Variants in AXIN1 observed in about 807,000 individuals in gnomAD.
AXIN1 encodes the protein axin 1.
In AXIN1, 30 loss-of-function variants were observed where a neutral mutation model predicts 76.4. The ratio of observed to expected loss-of-function variants is 0.39; its 90% CI spans 0.29 to 0.53. The LOEUF (loss-of-function observed/expected upper bound fraction) is 0.53. Among genes scored for constraint, AXIN1 ranks in the 20% least tolerant of loss-of-function variants. AXIN1 has a pLI of 0.66. For missense variants in AXIN1, 1,140 were observed against 1,198.8 expected (o/e 0.95, Z 0.72); for synonymous variants, 545 against 501.4 (o/e 1.09, Z -1.16).
intron 1 of AXIN1, among the ~76,000 whole-genome samples, chr16:347,815 C>T (rs56196651): frequency 1.2e-3 from 185 of 152,326 alleles, no homozygotes; most frequent in Non-Finnish European, 2.3e-3. Context: ...CCCACAGAGG[C>T]GCTCGGACAC....
Position 289,842 on chromosome 16 carries a change from C to T in AXIN1, c.2295-235G>A, listed in dbSNP as rs2052504469. 3 of 601,918 alleles carry T rather than the reference C, an allele frequency of 5.0e-6. No homozygotes were observed. The Admixed American group carries it at 8.3e-5, about 17-fold the overall frequency. The allele number at this position is 601,918 out of a possible 1,614,324, so 37.3% of individuals were successfully genotyped here. ...GCACGAAGGTCTCCCTGCTGCCTCACAGCCCCACCCTCGACTGGCCAGGGC... is the reference window on the plus strand; with the variant it reads ...GCACGAAGGTCTCCCTGCTGCCTCATAGCCCCACCCTCGACTGGCCAGGGC... On this transcript the variant is annotated intron_variant, in intron 9 of 10. Transcript: ENST00000262320.
chr16:324,795 C>A (rs933057388), intron 2 of AXIN1, among the ~76,000 whole-genome samples: 4 of 152,196 alleles, frequency 2.6e-5, no homozygotes, highest in African/African-American at 7.2e-5. Flanking sequence ...GCAGACAGAA[C>A]CCGCCCTGCA....
At chr16:323,946 A>C (rs1274819251) in intron 2 of AXIN1, among the ~76,000 whole-genome samples, 1 of 152,200 alleles carries the variant, frequency 6.6e-6, no homozygotes, top group African/African-American at 2.4e-5. Context: ...CAGAATGAGC[A>C]ACCCACCCTG....
chr16:288,269 G>C (rs759745210), intron 10 of AXIN1, 21 bp from the exon 11 acceptor site: 1 of 1,613,218 alleles, frequency 6.2e-7, no homozygotes, highest in Non-Finnish European at 8.5e-7. Context: ...GAGGTGAGGA[G>C]GGCAGTGAGC....
At chr16:289,988 C>A in intron 9 of AXIN1, 1 of 363,958 alleles carries the variant, frequency 2.7e-6, no homozygotes, top group Non-Finnish European at 5.2e-6. Flanking sequence ...AGGGATTGGA[C>A]AAACAGAACT....
At chr16:333,692 TA>T (rs1196571503) in intron 2 of AXIN1, among the ~76,000 whole-genome samples, 2 of 139,294 alleles carry the variant, frequency 1.4e-5, no homozygotes. Context: ...CCTCTAAATT[TA>T]TGGGGGGGGT....
rs1567258576 is a variant in AXIN1 at position 291,240 on chromosome 16, CGGCGCGCACGCTGGCCTGACGCA to C, written c.2221_2243del (p.Cys741GlyfsTer33). 1.3e-6 allele frequency: 2 copies of C among 1,587,298 alleles called. No individual in the cohort carries two copies. Among genetic ancestry groups the C allele is most frequent in the Non-Finnish European group, 8.6e-7 (1 of 1,167,950 alleles). ...ACACGGCTGGTACCACGTGCAGCAC[CGGCGCGCACGCTGGCCTGACGCA>C]GGCGCGTCCCCGCCGCATAACCTCC... is the stretch of plus-strand genomic sequence containing the variant. On this transcript the variant is annotated frameshift_variant, in exon 9 of 11. Coordinates refer to ENST00000262320, the MANE Select transcript of AXIN1 (RefSeq NM_003502.4). LOFTEE classifies it high-confidence loss of function.
intron 5 of AXIN1, among the ~76,000 whole-genome samples, chr16:302,428 C>T (rs1338068452): frequency 1.3e-5 from 2 of 152,258 alleles, no homozygotes; most frequent in Non-Finnish European, 2.9e-5. Context: ...AACAAATCGA[C>T]GTCTGTGTGT....
intron 2 of AXIN1, among the ~76,000 whole-genome samples, chr16:316,690 C>A (rs563044692): frequency 1.3e-5 from 2 of 152,054 alleles, no homozygotes; most frequent in East Asian, 3.9e-4. Flanking sequence ...GGGTTTATCA[C>A]ATTGCACCCT....
intron 10 of AXIN1, among the ~76,000 whole-genome samples, chr16:288,629 G>T (rs1196656626): frequency 6.6e-6 from 1 of 152,250 alleles, no homozygotes; most frequent in Non-Finnish European, 1.5e-5. Flanking sequence ...TGCAGTCATG[G>T]GGTGTTTGCA....
In AXIN1 at chr16:304,860, T is replaced by C. The variant is rs570252824; in HGVS notation, c.1117-419A>G. ...TTTGTTGTATTTTAAAGCAAGAGTT[T>C]ACTTTTTCCTCCTTTCAGTTGGGAA... On this transcript the variant is annotated intron_variant, in intron 4 of 10. Coordinates refer to ENST00000262320, the MANE Select transcript of AXIN1 (RefSeq NM_003502.4). Among the ~76,000 whole-genome samples the C allele has an allele frequency of 1.1e-4, 16 of 152,310 alleles. No homozygotes were observed. In the East Asian group the frequency reaches 1.7e-3, roughly 17 times the overall value.
intron 7 of AXIN1, among the ~76,000 whole-genome samples, 196 bp downstream of exon 7, chr16:296,860 A>G (rs973159049): frequency 6.6e-6 from 1 of 151,830 alleles, no homozygotes; most frequent in Non-Finnish European, 1.5e-5. Context: ...TGGGGACATG[A>G]GGTTTTCCTC....
chr16:307,907 C>T (rs1044827518), intron 4 of AXIN1, among the ~76,000 whole-genome samples: 4 of 152,224 alleles, frequency 2.6e-5, no homozygotes, highest in Non-Finnish European at 5.9e-5. Context: ...TGAGCAGGCC[C>T]CGGGCAGCTG....
In AXIN1 at chr16:335,806, C is replaced by T. The variant is rs2053791229; in HGVS notation, c.878+10342G>A. ...AAAATACTTTATCCAAGAGGTTTTA[C>T]AGTGAGGAGAAGAATATTCACAAGC... On this transcript the variant is annotated intron_variant, in intron 2 of 10. Transcript: ENST00000262320. Among the ~76,000 whole-genome samples the T allele has an allele frequency of 2.0e-5, 3 of 152,114 alleles. No homozygotes were observed. In the South Asian group the frequency reaches 6.2e-4, roughly 32 times the overall value.
chr16:335,367 C>T (rs1309123308), intron 2 of AXIN1, among the ~76,000 whole-genome samples: 1 of 152,270 alleles, frequency 6.6e-6, no homozygotes, highest in South Asian at 2.1e-4. Flanking sequence ...GCACACAGTA[C>T]CACAGCATGC....
intron 3 of AXIN1, among the ~76,000 whole-genome samples, chr16:311,498 G>A (rs950608762): frequency 2.0e-5 from 3 of 151,974 alleles, no homozygotes; most frequent in Admixed American, 6.5e-5. Flanking sequence ...CGGGCTGGGC[G>A]CAGTGGCTCA....
At position 291,252 on chromosome 16, in the gene AXIN1, T is replaced by G. The variant is rs2052551867; in HGVS notation, c.2232A>C (p.Pro744=). The change falls in exon 9 of 11, where the codon CCA becomes CCC. Residue 744 remains proline (P), a synonymous_variant. Transcript: ENST00000262320. ...VMRRGRACVR[P]ACAPVLHVVP... is the part of the protein sequence containing the mutation. The stretch of plus-strand genomic sequence containing the variant: ...CCACGTGCAGCACCGGCGCGCACGC[T>G]GGCCTGACGCAGGCGCGTCCCCGCC... 6.3e-7 allele frequency: 1 copy of G among 1,585,708 alleles called. No individual in the cohort carries two copies. Among genetic ancestry groups the G allele is most frequent in the Non-Finnish European group, 8.6e-7 (1 of 1,167,036 alleles).
In AXIN1 at chr16:332,342, C is replaced by T. The variant is rs563898681; in HGVS notation, c.878+13806G>A. Among the ~76,000 whole-genome samples the T allele has an allele frequency of 2.0e-5, 3 of 151,874 alleles. No individual in the cohort carries two copies. The East Asian group carries it at 5.8e-4, about 29-fold the overall frequency. ...CCTGTAATCCCAGCACTTTGGGAGG[C>T]CAAGGCGGGCGGATCACGAGATCAG... On this transcript the variant is annotated intron_variant, in intron 2 of 10. Transcript: ENST00000262320.
At chr16:326,049 C>T (rs1251165095) in intron 2 of AXIN1, among the ~76,000 whole-genome samples, 1 of 151,980 alleles carries the variant, frequency 6.6e-6, no homozygotes, top group Non-Finnish European at 1.5e-5. Flanking sequence ...GATGCTGTCA[C>T]TTATATACTA....
Sources: allele counts gnomAD v4.1 joint callset (sites outside exome capture counted in the v4.1 genomes callset), GRCh38; gene constraint gnomAD v4.1.1; transcripts MANE v1.5; gene names NCBI Gene and HGNC (gene_info 2026-07-23, HGNC 2026-07-21).